The following LDLRAD4 variants were observed in gnomAD, a reference collection of about 807,000 sequenced individuals.
LDLRAD4 encodes the protein low-density lipoprotein receptor class A domain-containing protein 4.
LDLRAD4 carries 5 observed loss-of-function variants against 17.0 expected under a neutral mutation model. The observed-to-expected ratio is 0.29, with a 90% CI of 0.15 to 0.62. LDLRAD4 has a LOEUF of 0.62. Ranked by LOEUF, LDLRAD4 falls within the 20% of genes least tolerant of loss-of-function variation. The pLI is 0.84. For missense variants in LDLRAD4, 340 were observed against 424.7 expected, an observed-to-expected ratio of 0.80 and a Z score of 1.75; for synonymous variants, 168 against 171.8, an observed-to-expected ratio of 0.98 and a Z score of 0.17.
intron 3 of LDLRAD4, among the ~76,000 whole-genome samples, chr18:13,596,354 G>T (rs1369467112): frequency 6.6e-6 from 1 of 152,036 alleles, no homozygotes; most frequent in Non-Finnish European, 1.5e-5. Context: ...TCACTCTTAT[G>T]TAATCTTATT....
chr18:13,268,541 G>A (rs971662920), intron 1 of LDLRAD4, among the ~76,000 whole-genome samples: 1 of 152,220 alleles, frequency 6.6e-6, no homozygotes, highest in Non-Finnish European at 1.5e-5. Flanking sequence ...GCCTTGTTAA[G>A]TCACTGCCAG....
chr18:13,634,613 C>T (rs1040983600), intron 4 of LDLRAD4, among the ~76,000 whole-genome samples: 1 of 152,062 alleles, frequency 6.6e-6, no homozygotes, highest in Non-Finnish European at 1.5e-5. Context: ...AATTGGAAGA[C>T]TTAACTATTT....
At chr18:13,553,628 T>G (rs918133488) in intron 3 of LDLRAD4, among the ~76,000 whole-genome samples, 10 of 152,220 alleles carry the variant, frequency 6.6e-5, no homozygotes, top group Non-Finnish European at 5.9e-5. Context: ...GCTGTGGAAC[T>G]TAATTAATCT....
At position 13,367,179 on chromosome 18, in the gene LDLRAD4, C is replaced by T. The variant is rs567898670; in HGVS notation, c.-382-20162C>T. Among the ~76,000 whole-genome samples, 5 of 152,300 alleles carry T rather than the reference C, an allele frequency of 3.3e-5. No homozygotes were observed. The highest frequency in any genetic ancestry group is 1.2e-4 in the African/African-American group (5 of 41,570). ...CTGTGGCTGTGGGAAGGAGGTTTTGCAATCCCCTCCAGCCCCACTCCGTTA... is the reference window on the plus strand; with the variant it reads ...CTGTGGCTGTGGGAAGGAGGTTTTGTAATCCCCTCCAGCCCCACTCCGTTA... On this transcript the variant is annotated intron_variant, in intron 1 of 5. Coordinates refer to ENST00000359446, the Ensembl canonical transcript of LDLRAD4. The surrounding 1 kb of genome is among the most constrained non-coding windows in gnomAD (Gnocchi z 4.1).
At chr18:13,308,698 G>A (rs1010518264) in intron 1 of LDLRAD4, among the ~76,000 whole-genome samples, 2 of 152,270 alleles carry the variant, frequency 1.3e-5, no homozygotes, top group Admixed American at 1.3e-4. Flanking sequence ...ATGTGTGTTT[G>A]TGGTTGTTGA....
chr18:13,492,909 C>T (rs1447261224), intron 3 of LDLRAD4, among the ~76,000 whole-genome samples: 2 of 152,118 alleles, frequency 1.3e-5, no homozygotes, highest in African/African-American at 2.4e-5. Context: ...GTGGGAGGAT[C>T]GCTGTGCTAC....
intron 3 of LDLRAD4, among the ~76,000 whole-genome samples, chr18:13,468,604 T>C (rs140836545): frequency 0.071 from 10,830 of 152,024 alleles, 961 homozygotes; most frequent in African/African-American, 0.21. Context: ...CCAACCCAAA[T>C]GTCCAACAAC....
At chr18:13,631,573 T>C (rs58748751) in intron 4 of LDLRAD4, among the ~76,000 whole-genome samples, 3,730 of 152,256 alleles carry the variant, frequency 0.024, 141 homozygotes, top group African/African-American at 0.082. Flanking sequence ...ATATTTCTTA[T>C]AAATATTGAT....
intron 3 of LDLRAD4, among the ~76,000 whole-genome samples, chr18:13,494,772 A>G (rs1413997400): frequency 6.7e-6 from 1 of 148,540 alleles, no homozygotes; most frequent in East Asian, 1.9e-4. Context: ...GGGTGCCCCT[A>G]GCGCCTCCCA....
At chr18:13,353,505 T>C (rs1239844511) in intron 1 of LDLRAD4, among the ~76,000 whole-genome samples, 1 of 152,252 alleles carries the variant, frequency 6.6e-6, no homozygotes, top group Non-Finnish European at 1.5e-5. Context: ...CTGCAGTCTG[T>C]TGCCCTAGGT....
chr18:13,460,876 TC>T (rs1287440498), intron 3 of LDLRAD4: 2 of 152,210 alleles, frequency 1.3e-5, no homozygotes, highest in Non-Finnish European at 2.9e-5. Context: ...CCCCTTTTCT[TC>T]CAACACCAAA....
At chr18:13,322,515 G>T (rs1599398197) in intron 1 of LDLRAD4, among the ~76,000 whole-genome samples, 1 of 152,124 alleles carries the variant, frequency 6.6e-6, no homozygotes, top group South Asian at 2.1e-4. Context: ...GGCCAGGCTG[G>T]TCTAAAACTC....
chr18:13,499,127 G>C (rs1423053899), intron 3 of LDLRAD4, among the ~76,000 whole-genome samples: 1 of 146,356 alleles, frequency 6.8e-6, no homozygotes, highest in Non-Finnish European at 1.5e-5. Context: ...TCCCGCCGTG[G>C]ACTCTGGAGA....
rs114962546 is a variant in LDLRAD4, at chr18:13,363,871, G to T, written c.-382-23470G>T. On this transcript the variant is annotated intron_variant, in intron 1 of 5. Coordinates refer to ENST00000359446, the Ensembl canonical transcript of LDLRAD4. ...ACTCTTTTGGTGGAACTGTAATGCA[G>T]CACCACGCTTGGCTTTTTCAGTGCT... Among the ~76,000 whole-genome samples the T allele has an allele frequency of 3.4e-3, 518 of 152,296 alleles. 1 individual carries two copies. Among genetic ancestry groups the T allele is most frequent in the African/African-American group, 0.012 (495 of 41,558 alleles).
At chr18:13,591,079 T>A (rs2095021537) in intron 3 of LDLRAD4, among the ~76,000 whole-genome samples, 1 of 152,198 alleles carries the variant, frequency 6.6e-6, no homozygotes. Flanking sequence ...TGTTTTATTG[T>A]CCTTGAACAA....
intron 3 of LDLRAD4, among the ~76,000 whole-genome samples, chr18:13,457,440 T>A (rs1438065684): frequency 6.6e-6 from 1 of 152,172 alleles, no homozygotes; most frequent in Admixed American, 6.5e-5. Context: ...TTATGGGCGC[T>A]TCTTGATGTC....
At chr18:13,647,159 G>A (rs2043045440) in exon 6 of LDLRAD4, 1 of 150,862 alleles carries the variant, frequency 6.6e-6, no homozygotes, top group African/African-American at 2.4e-5. Context: ...TGACTGAAGA[G>A]CACCGGGTAA....
At chr18:13,572,988 G>A (rs1257964449) in intron 3 of LDLRAD4, among the ~76,000 whole-genome samples, 1 of 152,248 alleles carries the variant, frequency 6.6e-6, no homozygotes, top group African/African-American at 2.4e-5. Context: ...GGCTGGAGGT[G>A]TGCCCTCCTG....
chr18:13,495,844 G>A (rs1187731883), intron 3 of LDLRAD4, among the ~76,000 whole-genome samples: 1 of 152,192 alleles, frequency 6.6e-6, no homozygotes, highest in African/African-American at 2.4e-5. Context: ...CACTGCCACT[G>A]CGCAGTGTTC....
Sources: allele counts gnomAD v4.1 joint callset (sites outside exome capture counted in the v4.1 genomes callset), GRCh38; gene constraint gnomAD v4.1.1; non-coding constraint Gnocchi (gnomAD v3.1); transcripts MANE v1.5; gene names NCBI Gene and HGNC (gene_info 2026-07-23, HGNC 2026-07-21).